The following C9orf85 variants were observed in gnomAD, a reference collection of about 807,000 sequenced individuals.
C9orf85 encodes the protein chromosome 9 open reading frame 85.
Under a neutral mutation model 14.9 loss-of-function variants are expected in C9orf85, and 16 were observed. The observed-to-expected ratio is 1.08, with a 90% CI of 0.73 to 1.63. C9orf85 has a LOEUF of 1.63. Among genes scored for constraint, C9orf85 ranks in the 40% most tolerant of loss-of-function variants. The probability of loss-of-function intolerance (pLI) is 0.00; values close to 1 mark genes in which losing one functional copy is unlikely to be tolerated. For synonymous variants in C9orf85, 45 were observed against 56.8 expected, an observed-to-expected ratio of 0.79 and a Z score of 0.93; for missense variants, 172 against 186.1, an observed-to-expected ratio of 0.92 and a Z score of 0.44.
chr9:71,945,891 G>C (rs1409563074), intron 1 of C9orf85, among the ~76,000 whole-genome samples: 1 of 152,126 alleles, frequency 6.6e-6, no homozygotes, highest in Non-Finnish European at 1.5e-5. Context: ...CACAGCCAAA[G>C]CAAACTAGAG....
rs765411668 is a variant in C9orf85, at chr9:71,972,813, G to A, written c.445G>A (p.Asp149Asn). ...DDLDFDIDLE[D>N]TGGDHQMN is the part of the protein sequence containing the mutation. Reference sequence around the variant, plus strand: ...TTTAGATTTTGATATTGATTTAGAAGACACAGGAGGAGACCATCAAATGAA... The same window carrying A: ...TTTAGATTTTGATATTGATTTAGAAAACACAGGAGGAGACCATCAAATGAA... The change falls in exon 4 of 4, where the codon GAC (aspartate) becomes AAC (asparagine). Residue 149 changes from aspartate to asparagine, a missense_variant. By Grantham distance (23) the Asp-to-Asn change is conservative. Transcript: ENST00000334731. 1 of 1,608,710 alleles carries A rather than the reference G, an allele frequency of 6.2e-7. No individual in the cohort carries two copies. Among genetic ancestry groups the A allele is most frequent in the East Asian group, 2.2e-5 (1 of 44,712 alleles).
chr9:71,971,121 T>C (rs1822850850), intron 2 of C9orf85, among the ~76,000 whole-genome samples: 1 of 152,226 alleles, frequency 6.6e-6, no homozygotes, highest in African/African-American at 2.4e-5. Flanking sequence ...TTAGTTTCTT[T>C]CAGTGATGTT....
chr9:71,927,935 C>G (rs893307386), intron 1 of C9orf85, among the ~76,000 whole-genome samples: 1 of 152,110 alleles, frequency 6.6e-6, no homozygotes, highest in Non-Finnish European at 1.5e-5. Flanking sequence ...CCTGTAATCC[C>G]AGCACTTTGG....
At chr9:71,920,018 T>C (rs1827754290) in intron 1 of C9orf85, among the ~76,000 whole-genome samples, 1 of 151,952 alleles carries the variant, frequency 6.6e-6, no homozygotes, top group African/African-American at 2.4e-5. Flanking sequence ...CCCAGCTAAT[T>C]TTTGTAGTTT....
chr9:71,948,845 G>C (rs969331880), intron 2 of C9orf85, among the ~76,000 whole-genome samples: 1 of 126,166 alleles, frequency 7.9e-6, no homozygotes, highest in Non-Finnish European at 1.6e-5. Context: ...AGTTTTACCA[G>C]CTTCTTGCTC....
At chr9:71,981,861 C>T (rs1421130732) in intron 3 of C9orf85, among the ~76,000 whole-genome samples, 1 of 152,158 alleles carries the variant, frequency 6.6e-6, no homozygotes, top group African/African-American at 2.4e-5. Context: ...AAGCTTTTCT[C>T]ATAGTGATAA....
chr9:71,923,800 G>A (rs761466196), intron 1 of C9orf85, among the ~76,000 whole-genome samples: 2 of 151,974 alleles, frequency 1.3e-5, no homozygotes, highest in East Asian at 1.9e-4. Context: ...GAGGCTAGCC[G>A]CTCCACAACA....
chr9:71,980,687 G>A (rs1200327618), intron 3 of C9orf85, among the ~76,000 whole-genome samples: 2 of 152,110 alleles, frequency 1.3e-5, no homozygotes, highest in Non-Finnish European at 2.9e-5. Context: ...AACACAGGGA[G>A]AATAGTATAT....
chr9:71,939,737 A>G (rs1315068911), intron 1 of C9orf85, among the ~76,000 whole-genome samples: 5 of 152,188 alleles, frequency 3.3e-5, no homozygotes, highest in Non-Finnish European at 7.4e-5. Context: ...GAATCAACAC[A>G]GGGTGGTATT....
intron 1 of C9orf85, among the ~76,000 whole-genome samples, chr9:71,939,740 G>A (rs1437208804): frequency 6.6e-6 from 1 of 152,160 alleles, no homozygotes; most frequent in Non-Finnish European, 1.5e-5. Context: ...TCAACACAGG[G>A]TGGTATTGGT....
intron 1 of C9orf85, among the ~76,000 whole-genome samples, chr9:71,920,810 T>C (rs1299710537): frequency 6.6e-6 from 1 of 151,988 alleles, no homozygotes; most frequent in Non-Finnish European, 1.5e-5. Flanking sequence ...TTCTTATCAC[T>C]CCAGACCAAA....
At chr9:71,952,416 G>A (rs529338472) in intron 2 of C9orf85, among the ~76,000 whole-genome samples, 15 of 152,200 alleles carry the variant, frequency 9.9e-5, no homozygotes, top group East Asian at 9.7e-4. Flanking sequence ...CCAGGCTGTA[G>A]TGCAGTGGCA....
At chr9:71,928,380 A>T (rs1827982356) in intron 1 of C9orf85, among the ~76,000 whole-genome samples, 1 of 152,130 alleles carries the variant, frequency 6.6e-6, no homozygotes, top group South Asian at 2.1e-4. Flanking sequence ...CTTGCTGTTC[A>T]GATTTATAGA....
intron 1 of C9orf85, among the ~76,000 whole-genome samples, chr9:71,912,576 A>G (rs1827536419): frequency 1.3e-5 from 2 of 151,300 alleles, no homozygotes; most frequent in South Asian, 4.2e-4. Context: ...GCGAAACTCC[A>G]TCTGTACTAA....
At chr9:71,915,227 G>T (rs1157162700) in intron 1 of C9orf85, among the ~76,000 whole-genome samples, 2 of 150,768 alleles carry the variant, frequency 1.3e-5, no homozygotes, top group Non-Finnish European at 2.9e-5. Context: ...TCTCGCCCAG[G>T]CTGGAGTGCA....
downstream of C9orf85, chr9:71,983,274 A>T (rs7850648): frequency 6.6e-6 from 1 of 152,320 alleles, no homozygotes; most frequent in Non-Finnish European, 1.5e-5. Context: ...GCTTACAGGC[A>T]TGAGCCACTG....
chr9:71,920,713 C>T (rs1589245405), intron 1 of C9orf85, among the ~76,000 whole-genome samples: 1 of 152,168 alleles, frequency 6.6e-6, no homozygotes, highest in South Asian at 2.1e-4. Context: ...TGCTGTTTTT[C>T]ACATCTTCAC....
At chr9:71,937,568 A>T (rs553683755) in intron 1 of C9orf85, among the ~76,000 whole-genome samples, 3 of 152,332 alleles carry the variant, frequency 2.0e-5, no homozygotes, top group Admixed American at 2.0e-4. Context: ...GACTAGAAAA[A>T]GATATTGTGA....
At chr9:71,943,616 C>T (rs1177542451) in intron 1 of C9orf85, among the ~76,000 whole-genome samples, 1 of 151,712 alleles carries the variant, frequency 6.6e-6, no homozygotes, top group Non-Finnish European at 1.5e-5. Context: ...GATCTCAGCT[C>T]ACTGCAACCT....
Sources: allele counts gnomAD v4.1 joint callset (sites outside exome capture counted in the v4.1 genomes callset), GRCh38; gene constraint gnomAD v4.1.1; transcripts MANE v1.5; gene names NCBI Gene and HGNC (gene_info 2026-07-23, HGNC 2026-07-21).